Variants in ZBTB46 observed in about 807,000 individuals in gnomAD.
ZBTB46 encodes the protein zinc finger and BTB domain containing 46, also known as zinc finger and BTB domain-containing protein 46.
In ZBTB46, 8 loss-of-function variants were observed where a neutral mutation model predicts 44.1. That is an observed-to-expected ratio of 0.18 (90% CI 0.11 to 0.33). ZBTB46 has a LOEUF of 0.33. ZBTB46 is among the 10% of genes least tolerant of loss of function. The pLI, the probability that ZBTB46 is intolerant of heterozygous loss-of-function variation, is 1.00. For missense variants in ZBTB46, 651 were observed against 847.7 expected, an observed-to-expected ratio of 0.77 and a Z score of 2.88; for synonymous variants, 409 against 382.3, an observed-to-expected ratio of 1.07 and a Z score of -0.81.
chr20:63,783,277 A>G (rs1208254251), intron 2 of ZBTB46, among the ~76,000 whole-genome samples: 1 of 151,864 alleles, frequency 6.6e-6, no homozygotes, highest in Non-Finnish European at 1.5e-5. Context: ...AAAATACAAA[A>G]TATCAGCTGG....
chr20:63,830,680 T>C (rs904585943), intron 1 of ZBTB46, among the ~76,000 whole-genome samples: 1 of 147,226 alleles, frequency 6.8e-6, no homozygotes. Context: ...GGCCAGGCGT[T>C]GACGCAGCAG....
intron 2 of ZBTB46, among the ~76,000 whole-genome samples, chr20:63,781,139 TCAAAAAA>T (rs2092466671): frequency 4.2e-5 from 1 of 24,004 alleles, no homozygotes; most frequent in Admixed American, 6.8e-4. Flanking sequence ...AGACTCTGCC[TCAAAAAA>T]AAAAAAAAAA....
Position 63,803,448 on chromosome 20 carries a change from A to T in ZBTB46, c.-33-12658T>A, listed in dbSNP as rs1197673392. On this transcript the variant is annotated intron_variant, in intron 1 of 4. Transcript: ENST00000245663. This position sits in a 1 kb window ranked among gnomAD's most constrained non-coding sequence, Gnocchi z 4.0. ...CAGCGAGACCGGTGGTACTATCCAC[A>T]TCATCTCCAGTGAGCAAGTGGGTGC... The T allele has an allele frequency of 1.0e-6, 1 of 985,424 alleles. No individual in the cohort carries two copies. Among genetic ancestry groups the T allele is most frequent in the Non-Finnish European group, 1.2e-6 (1 of 829,922 alleles). 61.0% of individuals were successfully genotyped at this position (985,424 alleles called of 1,614,324 possible).
chr20:63,799,181 C>A (rs921474927), intron 1 of ZBTB46, among the ~76,000 whole-genome samples: 2 of 151,814 alleles, frequency 1.3e-5, no homozygotes, highest in Non-Finnish European at 2.9e-5. Flanking sequence ...CAGGTGCACA[C>A]CACCACACTC....
At chr20:63,795,968 G>A (rs2092600772) in intron 1 of ZBTB46, among the ~76,000 whole-genome samples, 1 of 152,204 alleles carries the variant, frequency 6.6e-6, no homozygotes, top group Admixed American at 6.5e-5. Flanking sequence ...CAGGCGCGCT[G>A]CTGTTGAGGA....
intron 2 of ZBTB46, among the ~76,000 whole-genome samples, chr20:63,781,916 T>C (rs1207333500): frequency 6.6e-6 from 1 of 151,150 alleles, no homozygotes; most frequent in African/African-American, 2.4e-5. Flanking sequence ...AAACCTCGTC[T>C]CTACTAAAAA....
intron 1 of ZBTB46, among the ~76,000 whole-genome samples, chr20:63,830,814 A>T (rs2092846237): frequency 7.5e-6 from 1 of 133,054 alleles, no homozygotes; most frequent in South Asian, 2.7e-4. Context: ...CCCGCGGGGA[A>T]CCCGCGCCGC....
chr20:63,827,382 T>C (rs1025966807), intron 1 of ZBTB46, among the ~76,000 whole-genome samples: 2 of 146,330 alleles, frequency 1.4e-5, no homozygotes, highest in Non-Finnish European at 3.0e-5. Context: ...CCGAGGCGGG[T>C]GGATCATGAG....
At chr20:63,759,708 G>A (rs936598583) in intron 3 of ZBTB46, among the ~76,000 whole-genome samples, 15 of 152,282 alleles carry the variant, frequency 9.9e-5, no homozygotes, top group Admixed American at 2.0e-4. Flanking sequence ...GACGATGGGC[G>A]TCTGTGTATC....
chr20:63,773,906 T>A (rs1317987133), intron 3 of ZBTB46, among the ~76,000 whole-genome samples: 1 of 152,208 alleles, frequency 6.6e-6, no homozygotes, highest in Non-Finnish European at 1.5e-5. Context: ...ATCCAACCAT[T>A]TCTGCTGACA....
At chr20:63,791,716 G>A (rs1464181197) in intron 1 of ZBTB46, among the ~76,000 whole-genome samples, 1 of 152,118 alleles carries the variant, frequency 6.6e-6, no homozygotes, top group Non-Finnish European at 1.5e-5. Flanking sequence ...CGCCCTGGAC[G>A]TCTGAGACAC....
At position 63,746,193 on chromosome 20, in the gene ZBTB46, C is replaced by G. The variant is rs548914245; in HGVS notation, c.*737G>C. On this transcript the variant is annotated 3_prime_UTR_variant, in exon 5 of 5. Coordinates refer to ENST00000245663, the MANE Select transcript of ZBTB46 (RefSeq NM_001369741.1). Reference sequence around the variant, plus strand: ...TCCGAGGAAGTGCACACGACTGAGCCGAGGCCCTTGCAGAGGGAACCTGGT... The same window carrying G: ...TCCGAGGAAGTGCACACGACTGAGCGGAGGCCCTTGCAGAGGGAACCTGGT... The G allele has an allele frequency of 6.5e-6, 1 of 152,780 alleles. No individual in the cohort carries two copies. 9.5% of individuals were successfully genotyped at this position (152,780 alleles called of 1,614,324 possible). A position where few individuals can be genotyped will look rare whatever the true frequency, so the allele number is the denominator to read the frequency against.
intron 1 of ZBTB46, among the ~76,000 whole-genome samples, chr20:63,813,701 CAG>C (rs1202611194): frequency 2.0e-5 from 3 of 152,144 alleles, no homozygotes; most frequent in Non-Finnish European, 4.4e-5. Flanking sequence ...TAGCATGAAA[CAG>C]AGAGAAGAAA....
At chr20:63,771,725 T>C (rs533291172) in intron 3 of ZBTB46, among the ~76,000 whole-genome samples, 2 of 152,282 alleles carry the variant, frequency 1.3e-5, no homozygotes, top group Admixed American at 6.5e-5. Context: ...GGACCACCTG[T>C]CGGGGACAGA....
At chr20:63,751,374 C>G (rs973752833) in intron 4 of ZBTB46, among the ~76,000 whole-genome samples, 1 of 152,160 alleles carries the variant, frequency 6.6e-6, no homozygotes, top group Non-Finnish European at 1.5e-5. Context: ...AAGGCCAGAG[C>G]CCAGCACTAA....
chr20:63,813,557 C>T (rs993183978), intron 1 of ZBTB46, among the ~76,000 whole-genome samples: 2 of 152,186 alleles, frequency 1.3e-5, no homozygotes, highest in African/African-American at 2.4e-5. Flanking sequence ...CCTGCGCGGG[C>T]GAGTCCCAGC....
At chr20:63,757,777 G>T (rs2092234041) in intron 3 of ZBTB46, among the ~76,000 whole-genome samples, 1 of 152,104 alleles carries the variant, frequency 6.6e-6, no homozygotes, top group African/African-American at 2.4e-5. Flanking sequence ...TCACCTTTGA[G>T]TGCACCTTTC....
In ZBTB46 at chr20:63,790,062, C is replaced by T. The variant is rs145961041; in HGVS notation, c.696G>A (p.Gln232=). 8 of 1,613,956 alleles carry T rather than the reference C, an allele frequency of 5.0e-6. No individual in the cohort carries two copies. In the East Asian group the frequency reaches 6.7e-5, roughly 13 times the overall value. Residue 232 remains glutamine, a synonymous_variant, in exon 2 of 5, where the codon CAG becomes CAA. Coordinates refer to ENST00000245663, the MANE Select transcript of ZBTB46 (RefSeq NM_001369741.1). ...TCCCTCCGTACTGAGACGGTGAAACCTGCTCTTCCTTGATGCGCAGAGGCC... is the reference window on the plus strand; with the variant it reads ...TCCCTCCGTACTGAGACGGTGAAACTTGCTCTTCCTTGATGCGCAGAGGCC... The part of the protein sequence containing the change: ...GYGPLRIKEE[Q]VSPSQYGGSE...
Position 63,747,289 on chromosome 20 carries a change from C to T in ZBTB46, c.1411G>A (p.Asp471Asn). 7.1e-7 allele frequency: 1 copy of T among 1,401,818 alleles called. No homozygotes were observed. Among genetic ancestry groups the T allele is most frequent in the Non-Finnish European group, 9.4e-7 (1 of 1,068,908 alleles). The allele number at this position is 1,401,818 out of a possible 1,614,324, so 86.8% of individuals were successfully genotyped here. Residue 471 changes from aspartate to asparagine, a missense_variant, in exon 5 of 5, where the codon GAC (aspartate) becomes AAC (asparagine). By Grantham distance (23) the Asp-to-Asn change is conservative (BLOSUM62 1). This residue lies in a region of ZBTB46 where 75 missense variants were observed against 107.8 expected (regional missense o/e 0.70). Transcript: ENST00000245663. Reference protein sequence around the residue: ...MKRHTLVHSKDKKYVCKVCSR... With the variant: ...MKRHTLVHSKNKKYVCKVCSR... ...CACACCTTGCACACATACTTCTTGT[C>T]CTTGCTGTGGACCTGCAGAGGCAGG... is the stretch of plus-strand genomic sequence containing the variant.
Sources: allele counts gnomAD v4.1 joint callset (sites outside exome capture counted in the v4.1 genomes callset), GRCh38; gene constraint gnomAD v4.1.1; regional missense constraint gnomAD v4.1.1; non-coding constraint Gnocchi (gnomAD v3.1); transcripts MANE v1.5; gene names NCBI Gene and HGNC (gene_info 2026-07-23, HGNC 2026-07-21).